The following BCR variants were observed in gnomAD, a reference collection of about 807,000 sequenced individuals.
The protein encoded by BCR is breakpoint cluster region protein.
In BCR, 58 loss-of-function variants were observed where a neutral mutation model predicts 138.6. The ratio of observed to expected loss-of-function variants is 0.42; its 90% CI spans 0.34 to 0.52. BCR has a LOEUF of 0.52. Among genes scored for constraint, BCR ranks in the 20% least tolerant of loss-of-function variants. BCR has a pLI of 0.06. For synonymous variants in BCR, 786 were observed against 730.1 expected (o/e 1.08, Z -1.23); for missense variants, 1,599 against 1,727.2 (o/e 0.93, Z 1.32).
chr22:23,243,324 G>A (rs924802085), intron 1 of BCR, among the ~76,000 whole-genome samples: 3 of 152,152 alleles, frequency 2.0e-5, no homozygotes, highest in East Asian at 1.9e-4. Flanking sequence ...GGGGAGAGGG[G>A]TGGAGATTGA....
rs1394157656 is a variant in BCR, at chr22:23,315,881, C to T, written c.*359C>T. 2.3e-6 allele frequency: 1 copy of T among 429,814 alleles called. No homozygotes were observed. Among genetic ancestry groups the T allele is most frequent in the Non-Finnish European group, 4.4e-6 (1 of 226,130 alleles). The allele number at this position is 429,814 out of a possible 1,614,324, so 26.6% of individuals were successfully genotyped here. On this transcript the variant is annotated 3_prime_UTR_variant, in exon 23 of 23. Transcript: ENST00000305877. ...TACTGGATCACTTGTCAAGATGCGCCCTCTCTGGGGAGAAGGGAACGTGAC... is the reference window on the plus strand; with the variant it reads ...TACTGGATCACTTGTCAAGATGCGCTCTCTCTGGGGAGAAGGGAACGTGAC...
At position 23,272,067 on chromosome 22, in the gene BCR, C is replaced by T. The variant is rs114181264; in HGVS notation, c.1921+475C>T. The stretch of plus-strand genomic sequence containing the variant: ...TGTCTGAACTCCTGACCTAAAGTGC[C>T]TTGGCCTCCCAAAGTGCTGGGATTA... On this transcript the variant is annotated intron_variant, in intron 6 of 22. Coordinates refer to ENST00000305877, the MANE Select transcript of BCR (RefSeq NM_004327.4). 3.3e-3 allele frequency among the ~76,000 whole-genome samples: 508 copies of T among 152,268 alleles called. 4 individuals carry two copies. The highest frequency in any genetic ancestry group is 0.012 in the African/African-American group (480 of 41,532).
At chr22:23,202,894 C>T (rs1012153121) in intron 1 of BCR, among the ~76,000 whole-genome samples, 8 of 151,786 alleles carry the variant, frequency 5.3e-5, no homozygotes, top group Admixed American at 2.6e-4. Flanking sequence ...AACAGGATCT[C>T]GCTCTGCCAT....
intron 16 of BCR, among the ~76,000 whole-genome samples, chr22:23,300,990 C>T (rs752237933): frequency 1.3e-5 from 2 of 152,228 alleles, no homozygotes; most frequent in Non-Finnish European, 2.9e-5. Flanking sequence ...GGAGAATAGA[C>T]AGGGCTAACA....
chr22:23,181,076 A>G lies in BCR; in HGVS notation c.116A>G (p.Lys39Arg). The G allele has an allele frequency of 6.6e-7, 1 of 1,520,088 alleles. No homozygotes were observed. The highest frequency in any genetic ancestry group is 8.9e-7 in the Non-Finnish European group (1 of 1,128,448). 94.2% of individuals were successfully genotyped at this position (1,520,088 alleles called of 1,614,324 possible). The change falls in exon 1 of 23, where the codon AAG (lysine) becomes AGG (arginine). Residue 39 changes from lysine to arginine, a missense_variant. Physicochemically the swap from Lys to Arg is conservative, Grantham distance 26. Coordinates refer to ENST00000305877, the MANE Select transcript of BCR (RefSeq NM_004327.4). ...ATCGAGCAGGAGCTGGAGCGCTGCAAGGCCTCCATTCGGCGCCTGGAGCAG... is the reference window on the plus strand; with the variant it reads ...ATCGAGCAGGAGCTGGAGCGCTGCAGGGCCTCCATTCGGCGCCTGGAGCAG... ...GDIEQELERC[K>R]ASIRRLEQEV...
intron 16 of BCR, chr22:23,302,216 C>T (rs1260723039): frequency 6.6e-6 from 1 of 152,430 alleles, no homozygotes; most frequent in Non-Finnish European, 1.5e-5. Flanking sequence ...AAACCCAGCT[C>T]ATCAGCACCA....
chr22:23,284,025 G>T lies in BCR; in HGVS notation c.2164G>T (p.Ala722Ser), dbSNP rs1222669979. The stretch of plus-strand genomic sequence containing the variant: ...CTTCATGGTGGAGCTGGTGGAGGGG[G>T]CCCGCAAGCTGCGCCACGTCTTCCT... ...DSFMVELVEG[A>S]RKLRHVFLFT... Residue 722 changes from alanine (A) to serine (S), a missense_variant, in exon 9 of 23, where the codon GCC becomes TCC. This residue lies in a region of BCR where 590 missense variants were observed against 762.4 expected (regional missense o/e 0.77). Transcript: ENST00000305877. 1.2e-6 allele frequency: 2 copies of T among 1,604,904 alleles called. No homozygotes were observed. The highest frequency in any genetic ancestry group is 8.5e-7 in the Non-Finnish European group (1 of 1,175,918).
intron 16 of BCR, among the ~76,000 whole-genome samples, chr22:23,298,449 C>T (rs981101946): frequency 3.9e-5 from 6 of 152,194 alleles, no homozygotes; most frequent in African/African-American, 1.4e-4. Flanking sequence ...GTCTTTGTCA[C>T]ACCCCCACCA....
chr22:23,312,026 A>G (rs1602135230), intron 19 of BCR, 190 bp downstream of exon 19: 3 of 1,178,730 alleles, frequency 2.5e-6, no homozygotes, highest in African/African-American at 1.6e-5. Flanking sequence ...CAGTTTTTAA[A>G]CCATCCTAGC....
intron 17 of BCR, chr22:23,310,074 A>T: frequency 2.0e-6 from 1 of 494,498 alleles, no homozygotes; most frequent in South Asian, 2.1e-5. Context: ...AAAAAAAGCA[A>T]GCAAGCAAGA....
intron 1 of BCR, among the ~76,000 whole-genome samples, chr22:23,205,397 C>T (rs931427953): frequency 5.3e-5 from 8 of 152,226 alleles, no homozygotes; most frequent in Non-Finnish European, 7.3e-5. Flanking sequence ...CCTCCTCTCA[C>T]GGATCTGCCG....
chr22:23,186,908 G>A (rs984850588), intron 1 of BCR, among the ~76,000 whole-genome samples: 2 of 152,134 alleles, frequency 1.3e-5, no homozygotes, highest in African/African-American at 4.8e-5. Context: ...GCTAATTTTT[G>A]TATTTTCAGT....
chr22:23,222,262 G>A (rs1374250996), intron 1 of BCR, among the ~76,000 whole-genome samples: 1 of 152,192 alleles, frequency 6.6e-6, no homozygotes. Flanking sequence ...GTTAATGCTT[G>A]CAGAGTGAAC....
intron 1 of BCR, 141 bp downstream of exon 1, chr22:23,182,380 C>T: frequency 9.9e-7 from 1 of 1,014,160 alleles, no homozygotes. Context: ...TCACGCGGAT[C>T]CTGCACCCGA....
rs747942634 is a variant in BCR, at chr22:23,292,545, G to A, written c.2787G>A (p.Leu929=). 2.5e-6 allele frequency: 4 copies of A among 1,612,392 alleles called. No individual in the cohort carries two copies. Among genetic ancestry groups the A allele is most frequent in the Non-Finnish European group, 3.4e-6 (4 of 1,178,832 alleles). Residue 929 remains leucine (L), a synonymous_variant, in exon 15 of 23, where the codon CTG becomes CTA. Coordinates refer to ENST00000305877, the MANE Select transcript of BCR (RefSeq NM_004327.4). The part of the protein sequence containing the change: ...SATGFKQSSN[L]YCTLEVDSFG... Reference sequence around the variant, plus strand: ...CATGTCCACTTCTCCCCACAGATCTGTACTGCACCCTGGAGGTGGATTCCT... The same window carrying A: ...CATGTCCACTTCTCCCCACAGATCTATACTGCACCCTGGAGGTGGATTCCT...
At chr22:23,313,440 T>C (rs550129505) in intron 20 of BCR, among the ~76,000 whole-genome samples, 12 of 152,020 alleles carry the variant, frequency 7.9e-5, no homozygotes, top group Admixed American at 3.9e-4. Flanking sequence ...GTGTGTGCAG[T>C]ACCTGTGGCC....
At chr22:23,196,435 G>A (rs2072482655) in intron 1 of BCR, among the ~76,000 whole-genome samples, 1 of 152,192 alleles carries the variant, frequency 6.6e-6, no homozygotes, top group Admixed American at 6.5e-5. Context: ...TGTTTCTTAG[G>A]GGACGAGGTT....
In BCR at chr22:23,314,015, C is replaced by A; in HGVS notation, c.3505C>A (p.Leu1169Met). The A allele has an allele frequency of 6.2e-7, 1 of 1,613,974 alleles. No homozygotes were observed. Among genetic ancestry groups the A allele is most frequent in the Non-Finnish European group, 8.5e-7 (1 of 1,180,014 alleles). The stretch of plus-strand genomic sequence containing the variant: ...GGAGAGCTGCATGCTCAACCTGCTG[C>A]TGTCCCTGCCGGAGGCCAACCTGCT... ...AKESCMLNLLLSLPEANLLTF... is the reference protein window; with the variant it reads ...AKESCMLNLLMSLPEANLLTF... The change falls in exon 21 of 23, where the codon CTG becomes ATG. Residue 1169 changes from leucine to methionine, a missense_variant. Physicochemically the swap from Leu to Met is conservative, Grantham distance 15. Transcript: ENST00000305877.
chr22:23,282,611 C>T (rs1214053836), intron 8 of BCR, among the ~76,000 whole-genome samples: 3 of 152,230 alleles, frequency 2.0e-5, no homozygotes, highest in African/African-American at 4.8e-5. Context: ...CCGAGAAGAA[C>T]CTCAGGCTGC....
Sources: gnomAD v4.1 joint callset for allele counts (sites outside exome capture counted in the v4.1 genomes callset) on GRCh38, gnomAD v4.1.1 for gene constraint, gnomAD v4.1.1 regional missense constraint, MANE v1.5 for transcripts, NCBI Gene and HGNC (gene_info 2026-07-23, HGNC 2026-07-21) for gene names.